ERBB4: variants seen among roughly 807,000 people sequenced by gnomAD.
ERBB4 encodes the protein erb-b2 receptor tyrosine kinase 4, also known as receptor tyrosine-protein kinase erbB-4.
Under a neutral mutation model 158.0 loss-of-function variants are expected in ERBB4, and 42 were observed. The observed-to-expected ratio is 0.27, with a 90% confidence interval of 0.21 to 0.34. The LOEUF (loss-of-function observed/expected upper bound fraction) is 0.34, where lower values mean the gene tolerates loss of function less well. Among genes scored for constraint, ERBB4 ranks in the 10% least tolerant of loss-of-function variants. ERBB4 has a pLI of 1.00. For synonymous variants in ERBB4, 583 were observed against 558.7 expected, an observed-to-expected ratio of 1.04 and a Z score of -0.61; for missense variants, 1,333 against 1,624.1, an observed-to-expected ratio of 0.82 and a Z score of 3.08.
chr2:212,269,885 G>A (rs866587141), intron 1 of ERBB4, among the ~76,000 whole-genome samples: 47 of 151,834 alleles, frequency 3.1e-4, no homozygotes, highest in African/African-American at 1.1e-3. Flanking sequence ...ATTAGGCTCT[G>A]TAACACCAAG....
intron 2 of ERBB4, among the ~76,000 whole-genome samples, chr2:211,950,914 T>A (rs1303036266): frequency 6.6e-6 from 1 of 152,210 alleles, no homozygotes; most frequent in Non-Finnish European, 1.5e-5. Context: ...AGCTGTTACC[T>A]CTTTGAATGC....
intron 2 of ERBB4, among the ~76,000 whole-genome samples, chr2:212,102,847 T>G (rs1001389380): frequency 2.6e-5 from 4 of 152,132 alleles, no homozygotes; most frequent in African/African-American, 9.7e-5. Flanking sequence ...ATACTATTAA[T>G]TCTATTTCCA....
intron 1 of ERBB4, among the ~76,000 whole-genome samples, chr2:212,533,379 T>C (rs1303271759): frequency 6.6e-6 from 1 of 152,208 alleles, no homozygotes; most frequent in African/African-American, 2.4e-5. Context: ...TTATATGCAT[T>C]TCTCTCCCAG....
chr2:212,517,508 G>T (rs571125893), intron 1 of ERBB4, among the ~76,000 whole-genome samples: 1 of 152,108 alleles, frequency 6.6e-6, no homozygotes, highest in East Asian at 1.9e-4. Context: ...GAGTACAAGG[G>T]TTATTTGCAA....
At chr2:212,495,209 C>A (rs897069327) in intron 1 of ERBB4, among the ~76,000 whole-genome samples, 1 of 151,782 alleles carries the variant, frequency 6.6e-6, no homozygotes, top group Non-Finnish European at 1.5e-5. Context: ...ATTGTTTTTT[C>A]CTCATTAAAA....
intron 5 of ERBB4, among the ~76,000 whole-genome samples, chr2:211,735,522 T>C (rs200032898): frequency 6.6e-6 from 1 of 152,156 alleles, no homozygotes; most frequent in Non-Finnish European, 1.5e-5. Context: ...GCTAAAGTGA[T>C]CAAACACGTG....
Position 211,657,831 on chromosome 2 carries a change from G to A in ERBB4, c.1872-3C>T, listed in dbSNP as rs1360872972. The A allele has an allele frequency of 6.2e-7, 1 of 1,613,232 alleles. No homozygotes were observed. Among genetic ancestry groups the A allele is most frequent in the Admixed American group, 1.7e-5 (1 of 59,982 alleles). ...CATGACTAGTGGGACCGTTACACCT[G>A]CAGGCAATTACAGAACAGAAAACAT... is the stretch of plus-strand genomic sequence containing the variant. On this transcript the variant is annotated splice_region_variant and splice_polypyrimidine_tract_variant and intron_variant, in intron 15 of 27. Transcript: ENST00000342788.
chr2:212,073,130 C>A lies in ERBB4; in HGVS notation c.234+51622G>T, dbSNP rs183688601. Among the ~76,000 whole-genome samples the A allele has an allele frequency of 2.5e-3, 377 of 151,918 alleles. 1 individual carries two copies. The highest frequency in any genetic ancestry group is 8.7e-3 in the African/African-American group (362 of 41,462). On this transcript the variant is annotated intron_variant, in intron 2 of 27. Coordinates refer to ENST00000342788, the MANE Select transcript of ERBB4 (RefSeq NM_005235.3). ...GGAAGGAAGGAAGGAAGAGAGAACA[C>A]TGAAAATGTGGGACATCAGTATTAG...
rs2081718225 is a variant in ERBB4, at chr2:212,177,748, A to G, written c.83-52845T>C. 2.6e-5 allele frequency among the ~76,000 whole-genome samples: 4 copies of G among 151,924 alleles called. No individual in the cohort carries two copies. The Admixed American group carries it at 2.6e-4, about 10-fold the overall frequency. ...AGCAAATCATATCATATGTTCTTAG[A>G]CATACTCTGGAAAGACGGATCCATA... On this transcript the variant is annotated intron_variant, in intron 1 of 27. Transcript: ENST00000342788.
At chr2:212,311,667 T>C (rs2087050409) in intron 1 of ERBB4, among the ~76,000 whole-genome samples, 1 of 150,982 alleles carries the variant, frequency 6.6e-6, no homozygotes, top group Non-Finnish European at 1.5e-5. Context: ...AAGTCCTAAA[T>C]TTTTTAAAAA....
chr2:211,481,424 T>C (rs1365303034), intron 20 of ERBB4, among the ~76,000 whole-genome samples: 1 of 152,160 alleles, frequency 6.6e-6, no homozygotes, highest in Non-Finnish European at 1.5e-5. Context: ...AGGGTAAAGT[T>C]AACACAGCAC....
At chr2:211,642,329 G>A (rs1223200599) in intron 16 of ERBB4, among the ~76,000 whole-genome samples, 1 of 152,008 alleles carries the variant, frequency 6.6e-6, no homozygotes, top group Non-Finnish European at 1.5e-5. Context: ...TCATATAAAT[G>A]ATCAGTTCCC....
intron 20 of ERBB4, among the ~76,000 whole-genome samples, chr2:211,433,481 T>C (rs1477178415): frequency 6.6e-6 from 1 of 151,700 alleles, no homozygotes; most frequent in Non-Finnish European, 1.5e-5. Flanking sequence ...CTCGGGAGGC[T>C]GAGGCAGGAG....
chr2:212,520,739 T>C (rs1229777136), intron 1 of ERBB4, among the ~76,000 whole-genome samples: 1 of 151,984 alleles, frequency 6.6e-6, no homozygotes, highest in Non-Finnish European at 1.5e-5. Flanking sequence ...ACCCACGGAC[T>C]GTAGGGAGTT....
At chr2:211,504,763 A>G (rs113948180) in intron 20 of ERBB4, among the ~76,000 whole-genome samples, 3 of 152,156 alleles carry the variant, frequency 2.0e-5, no homozygotes, top group African/African-American at 4.8e-5. Context: ...TTGAAAAGCC[A>G]AAGAGAACTT....
chr2:211,393,793 A>C (rs1171151797), intron 25 of ERBB4, among the ~76,000 whole-genome samples: 4 of 144,648 alleles, frequency 2.8e-5, no homozygotes, highest in Non-Finnish European at 4.6e-5. Flanking sequence ...GTATTTTTCC[A>C]TTCTTTCCTA....
intron 1 of ERBB4, among the ~76,000 whole-genome samples, chr2:212,202,802 G>A (rs1474245360): frequency 6.6e-6 from 1 of 151,964 alleles, no homozygotes; most frequent in African/African-American, 2.4e-5. Context: ...CTGAAACATG[G>A]AGCAACCATA....
chr2:212,136,345 A>G (rs557324830), intron 1 of ERBB4, among the ~76,000 whole-genome samples: 16 of 152,298 alleles, frequency 1.1e-4, no homozygotes, highest in African/African-American at 3.8e-4. Flanking sequence ...GACTAATAAT[A>G]TGCAATAGGC....
At chr2:212,374,702 C>T (rs1418021180) in intron 1 of ERBB4, among the ~76,000 whole-genome samples, 1 of 151,820 alleles carries the variant, frequency 6.6e-6, no homozygotes. Context: ...GGCGTCAGTT[C>T]CATTCTTGGC....
Sources: gnomAD v4.1 joint callset for allele counts (sites outside exome capture counted in the v4.1 genomes callset) on GRCh38, gnomAD v4.1.1 for gene constraint, MANE v1.5 for transcripts, NCBI Gene and HGNC (gene_info 2026-07-23, HGNC 2026-07-21) for gene names.